SUGCT: variants seen among roughly 807,000 people sequenced by gnomAD.
SUGCT encodes succinyl-CoA:glutarate CoA-transferase.
A neutral mutation model predicts 55.0 loss-of-function variants in SUGCT; 41 were observed. The observed-to-expected ratio is 0.74, with a 90% CI of 0.58 to 0.97. The LOEUF is 0.97. Ranked by LOEUF, SUGCT falls within the 50% of genes least tolerant of loss-of-function variation. SUGCT has a pLI of 0.00. For synonymous variants in SUGCT, 187 were observed against 200.4 expected (o/e 0.93, Z 0.56); for missense variants, 568 against 547.8 (o/e 1.04, Z -0.37).
chr7:40,302,326 T>C (rs1190902632), intron 8 of SUGCT, among the ~76,000 whole-genome samples: 1 of 152,202 alleles, frequency 6.6e-6, no homozygotes, highest in African/African-American at 2.4e-5. Flanking sequence ...TGTCCTCTGC[T>C]TTCCCTCCAA....
At chr7:40,994,275 G>A in the SUGCT span, among the ~76,000 whole-genome samples, 1 of 152,100 alleles carries the variant, frequency 6.6e-6, no homozygotes, top group South Asian at 2.1e-4. Flanking sequence ...AAGCACATCC[G>A]AGCAAAAGGA....
intron 12 of SUGCT, among the ~76,000 whole-genome samples, chr7:40,526,126 C>T (rs571970552): frequency 1.3e-5 from 2 of 152,120 alleles, no homozygotes; most frequent in Non-Finnish European, 2.9e-5. Context: ...TCTTTTGAGG[C>T]TTCCTAGGGT....
intron 12 of SUGCT, among the ~76,000 whole-genome samples, chr7:40,733,788 C>G (rs767362289): frequency 1.3e-5 from 2 of 152,304 alleles, no homozygotes; most frequent in Non-Finnish European, 1.5e-5. Context: ...GCACATTTAT[C>G]AACCGCTGCT....
intron 6 of SUGCT, among the ~76,000 whole-genome samples, chr7:40,209,527 T>G (rs1178811828): frequency 6.6e-6 from 1 of 151,814 alleles, no homozygotes; most frequent in Non-Finnish European, 1.5e-5. Flanking sequence ...CCGGGCACGG[T>G]GGCACATGCC....
At chr7:40,742,257 T>C (rs1787501510) in intron 12 of SUGCT, among the ~76,000 whole-genome samples, 1 of 152,132 alleles carries the variant, frequency 6.6e-6, no homozygotes, top group Admixed American at 6.5e-5. Flanking sequence ...CACAGCAGAA[T>C]GAAATTTAGT....
At chr7:40,667,586 T>C (rs1435771657) in intron 12 of SUGCT, among the ~76,000 whole-genome samples, 1 of 152,022 alleles carries the variant, frequency 6.6e-6, no homozygotes, top group Non-Finnish European at 1.5e-5. Context: ...GGCTTTTTTT[T>C]TTTTTTGGTA....
At chr7:40,203,566 G>A (rs1584332804) in intron 6 of SUGCT, among the ~76,000 whole-genome samples, 1 of 152,086 alleles carries the variant, frequency 6.6e-6, no homozygotes, top group East Asian at 1.9e-4. Flanking sequence ...CTTGAGGTCA[G>A]GAGTTTGAGA....
chr7:40,260,062 A>G (rs1791118061), intron 7 of SUGCT, among the ~76,000 whole-genome samples: 1 of 152,216 alleles, frequency 6.6e-6, no homozygotes, highest in South Asian at 2.1e-4. Flanking sequence ...AAACATCCTT[A>G]ATGTATGGGA....
At chr7:40,880,045 T>C in the SUGCT span, among the ~76,000 whole-genome samples, 1 of 152,196 alleles carries the variant, frequency 6.6e-6, no homozygotes, top group African/African-American at 2.4e-5. Context: ...ATGTATAATC[T>C]TCTCACAGGA....
intron 12 of SUGCT, among the ~76,000 whole-genome samples, chr7:40,717,651 T>G (rs1786092679): frequency 6.6e-6 from 1 of 152,204 alleles, no homozygotes; most frequent in African/African-American, 2.4e-5. Context: ...TGGGAACAAT[T>G]TAAACGCACA....
chr7:40,439,064 G>GTGTGTGTATATATATATATA (rs1283539157), intron 9 of SUGCT, among the ~76,000 whole-genome samples: 1 of 27,194 alleles, frequency 3.7e-5, no homozygotes, highest in Non-Finnish European at 6.9e-5. Context: ...TATATATGGT[G>GTGTGTGTATATATATATATA]TATATATATA....
intron 12 of SUGCT, among the ~76,000 whole-genome samples, chr7:40,610,146 T>A (rs886069541): frequency 2.0e-5 from 3 of 152,210 alleles, no homozygotes; most frequent in Non-Finnish European, 4.4e-5. Flanking sequence ...TGGAGTGGCT[T>A]GGGGCCTAAG....
intron 9 of SUGCT, among the ~76,000 whole-genome samples, chr7:40,412,059 C>G (rs1239919133): frequency 1.3e-5 from 2 of 152,174 alleles, no homozygotes; most frequent in Admixed American, 6.5e-5. Context: ...AATGTTCTTT[C>G]TTCGGCTGGG....
chr7:40,587,726 T>A (rs1178964899), intron 12 of SUGCT, among the ~76,000 whole-genome samples: 1 of 152,194 alleles, frequency 6.6e-6, no homozygotes, highest in Non-Finnish European at 1.5e-5. Context: ...AGCTACCATA[T>A]GAAATCATCA....
chr7:40,336,434 T>C (rs1443621226), intron 9 of SUGCT, among the ~76,000 whole-genome samples: 1 of 152,190 alleles, frequency 6.6e-6, no homozygotes, highest in Non-Finnish European at 1.5e-5. Flanking sequence ...GAGCCTGTTA[T>C]TGGTCTATTC....
chr7:41,015,423 C>T, the SUGCT span, among the ~76,000 whole-genome samples: 9 of 152,040 alleles, frequency 5.9e-5, no homozygotes, highest in Non-Finnish European at 1.2e-4. Flanking sequence ...CATTACCTGC[C>T]GTCATATTTT....
At chr7:40,861,316 G>T (rs527470799), downstream of SUGCT, among the ~76,000 whole-genome samples, 7 of 152,300 alleles carry the variant, frequency 4.6e-5, no homozygotes, top group South Asian at 1.5e-3. Context: ...ACAGATAAAA[G>T]AATGACAGGA....
At chr7:40,475,266 C>G (rs1790602858) in intron 11 of SUGCT, among the ~76,000 whole-genome samples, 1 of 152,092 alleles carries the variant, frequency 6.6e-6, no homozygotes, top group South Asian at 2.1e-4. Flanking sequence ...TCATCCAAGT[C>G]CTTGTTTGGG....
intron 9 of SUGCT, among the ~76,000 whole-genome samples, chr7:40,398,804 G>C (rs1785901078): frequency 6.6e-6 from 1 of 152,104 alleles, no homozygotes; most frequent in Non-Finnish European, 1.5e-5. Context: ...GAGGGGTCTG[G>C]AGGGGATTTG....
Sources: allele counts gnomAD v4.1 joint callset (sites outside exome capture counted in the v4.1 genomes callset), GRCh38; gene constraint gnomAD v4.1.1; transcripts MANE v1.5; gene names NCBI Gene and HGNC (gene_info 2026-07-23, HGNC 2026-07-21).